Variants in PAK2 observed in about 807,000 individuals in gnomAD.
The protein encoded by PAK2 is p21 (RAC1) activated kinase 2.
In PAK2, 21 loss-of-function variants were observed where a neutral mutation model predicts 65.9. The ratio of observed to expected loss-of-function variants is 0.32; its 90% CI spans 0.23 to 0.46. The LOEUF (loss-of-function observed/expected upper bound fraction) is 0.46. Among genes scored for constraint, PAK2 ranks in the 20% least tolerant of loss-of-function variants. PAK2 has a pLI of 1.00. For synonymous variants in PAK2, 204 were observed against 219.7 expected (o/e 0.93, Z 0.63); for missense variants, 324 against 642.6 (o/e 0.50, Z 5.36).
intron 7 of PAK2, among the ~76,000 whole-genome samples, chr3:196,808,421 C>T (rs1715657895): frequency 6.6e-6 from 1 of 150,744 alleles, no homozygotes; most frequent in African/African-American, 2.4e-5. Flanking sequence ...ATCAGCTGGG[C>T]ATGGTGGCAT....
intron 1 of PAK2, among the ~76,000 whole-genome samples, chr3:196,746,678 C>T (rs1423245656): frequency 6.6e-6 from 1 of 151,864 alleles, no homozygotes; most frequent in East Asian, 1.9e-4. Flanking sequence ...GGTGTGGTGG[C>T]AGGTGCCTGT....
intron 1 of PAK2, among the ~76,000 whole-genome samples, chr3:196,746,667 A>G (rs1333525182): frequency 6.6e-6 from 1 of 151,960 alleles, no homozygotes; most frequent in Non-Finnish European, 1.5e-5. Flanking sequence ...AAAATTAGCC[A>G]GGTGTGGTGG....
In PAK2 at chr3:196,762,672, C is replaced by T. The variant is rs970129015; in HGVS notation, c.-21-19954C>T. Among the ~76,000 whole-genome samples, 83 of 149,624 alleles carry T rather than the reference C, an allele frequency of 5.5e-4. 2 individuals carry two copies. The highest frequency in any genetic ancestry group is 1.6e-3 in the African/African-American group (64 of 40,496). ...CTTCGGCTCCGCATGAGAGGGAGAC[C>T]GTGGGGAGAGGGAGAGGGAGAGGGA... On this transcript the variant is annotated intron_variant, in intron 1 of 14. Coordinates refer to ENST00000327134, the MANE Select transcript of PAK2 (RefSeq NM_002577.4).
In PAK2 at chr3:196,829,936, CT is replaced by C. The variant is rs560353239; in HGVS notation, c.*1533del. 2.2e-3 allele frequency: 340 copies of C among 152,014 alleles called. 1 individual carries two copies. Among genetic ancestry groups the C allele is most frequent in the African/African-American group, 7.6e-3 (313 of 41,426 alleles). 9.4% of individuals were successfully genotyped at this position (152,014 alleles called of 1,614,324 possible). Reference sequence around the variant, plus strand: ...TTTCTCTTCTCTTTTTTCCTCTCCTCTTCTTCTCCTTTATTCATTGTTTTGC... The same window carrying C: ...TTTCTCTTCTCTTTTTTCCTCTCCTCTCTTCTCCTTTATTCATTGTTTTGC... On this transcript the variant is annotated 3_prime_UTR_variant, in exon 15 of 15. Coordinates refer to ENST00000327134, the MANE Select transcript of PAK2 (RefSeq NM_002577.4).
At chr3:196,808,715 G>A (rs184378454) in intron 7 of PAK2, among the ~76,000 whole-genome samples, 200 of 151,778 alleles carry the variant, frequency 1.3e-3, no homozygotes, top group African/African-American at 4.4e-3. Context: ...ACAAAAATTA[G>A]CAAGGTGTCA....
intron 2 of PAK2, among the ~76,000 whole-genome samples, chr3:196,784,236 TTAA>T (rs1560103048): frequency 8.1e-6 from 1 of 124,200 alleles, no homozygotes; most frequent in African/African-American, 2.8e-5. Flanking sequence ...TTTTTTTTTT[TTAA>T]TTATACTTTA....
chr3:196,795,453 C>T (rs1715227479), intron 2 of PAK2, among the ~76,000 whole-genome samples: 1 of 151,780 alleles, frequency 6.6e-6, no homozygotes, highest in African/African-American at 2.4e-5. Flanking sequence ...GGTGTCAGAG[C>T]GAGACCCTGT....
rs764211225 is a variant in PAK2 at position 196,803,163 on chromosome 3, T to C, written c.435T>C (p.Pro145=). The C allele has an allele frequency of 1.2e-6, 2 of 1,603,496 alleles. No homozygotes were observed. Among genetic ancestry groups the C allele is most frequent in the East Asian group, 2.2e-5 (1 of 44,478 alleles). ...AGAAATATCTGAGCTTTACTCCTCC[T>C]GGTAAGAGAGTGGCATAAGGCTGGA... ...VKQKYLSFTP[P]EKDGFPSGTP... is the part of the protein sequence containing the mutation. Residue 145 remains proline (P), a splice_region_variant and synonymous_variant, in exon 4 of 15, where the codon CCT becomes CCC. Coordinates refer to ENST00000327134, the MANE Select transcript of PAK2 (RefSeq NM_002577.4).
chr3:196,810,869 T>G (rs959677301), intron 8 of PAK2, among the ~76,000 whole-genome samples: 1 of 152,098 alleles, frequency 6.6e-6, no homozygotes, highest in East Asian at 1.9e-4. Context: ...CATTATTTTT[T>G]CTTAAGTGTC....
chr3:196,746,965 G>A (rs990021009), intron 1 of PAK2, among the ~76,000 whole-genome samples: 9 of 151,930 alleles, frequency 5.9e-5, no homozygotes, highest in African/African-American at 7.3e-5. Flanking sequence ...CTATATAGGT[G>A]TGTATAATCT....
At chr3:196,793,722 G>A (rs1715152347) in intron 2 of PAK2, among the ~76,000 whole-genome samples, 1 of 152,148 alleles carries the variant, frequency 6.6e-6, no homozygotes, top group Admixed American at 6.5e-5. Context: ...CAAGAAAAGA[G>A]TTCGCAGAGA....
In PAK2 at chr3:196,791,662, C is replaced by T. The variant is rs747830785; in HGVS notation, c.187+8829C>T. Among the ~76,000 whole-genome samples the T allele has an allele frequency of 2.6e-5, 4 of 152,146 alleles. No individual in the cohort carries two copies. In the East Asian group the frequency reaches 5.8e-4, roughly 22 times the overall value. ...TTCCTGGGCCGGGCGTGGTGGCTCA[C>T]GCCTGTAATCCCAGCACTTTGGGAG... On this transcript the variant is annotated intron_variant, in intron 2 of 14. Transcript: ENST00000327134. The surrounding 1 kb of genome is among the most constrained non-coding windows in gnomAD (Gnocchi z 4.0).
intron 2 of PAK2, among the ~76,000 whole-genome samples, chr3:196,787,269 GC>G (rs1714920221): frequency 6.6e-6 from 1 of 151,998 alleles, no homozygotes; most frequent in African/African-American, 2.4e-5. Context: ...AAAACCTGTG[GC>G]TACTTTGATT....
At chr3:196,768,604 C>T (rs1381770707) in intron 1 of PAK2, among the ~76,000 whole-genome samples, 5 of 151,952 alleles carry the variant, frequency 3.3e-5, no homozygotes, top group African/African-American at 9.7e-5. Flanking sequence ...ATCTTCCTGC[C>T]TCAGCCTCCC....
chr3:196,827,668 G>C (rs1711926899), intron 14 of PAK2, among the ~76,000 whole-genome samples: 1 of 152,076 alleles, frequency 6.6e-6, no homozygotes, highest in Non-Finnish European at 1.5e-5. Context: ...TGAGTTAACA[G>C]GTGCAGCACA....
At chr3:196,805,320 A>G in intron 4 of PAK2, 32 bp from the exon 5 acceptor site, 2 of 1,258,516 alleles carry the variant, frequency 1.6e-6, no homozygotes, top group Non-Finnish European at 2.2e-6. Context: ...TGTTTCTTGA[A>G]TTGCTAATGT....
chr3:196,799,873 C>T (rs1715366032), intron 2 of PAK2, among the ~76,000 whole-genome samples: 1 of 152,264 alleles, frequency 6.6e-6, no homozygotes, highest in Non-Finnish European at 1.5e-5. Context: ...CTCAGTCTCC[C>T]AAAGTGCCAG....
chr3:196,753,204 G>A (rs1028841883), intron 1 of PAK2, among the ~76,000 whole-genome samples: 13 of 151,936 alleles, frequency 8.6e-5, no homozygotes, highest in Non-Finnish European at 1.6e-4. Flanking sequence ...TGATCCGCCC[G>A]CCTCAGCCTC....
intron 14 of PAK2, among the ~76,000 whole-genome samples, chr3:196,828,060 T>G (rs1711943753): frequency 7.6e-6 from 1 of 130,978 alleles, no homozygotes; most frequent in African/African-American, 3.0e-5. Flanking sequence ...CAGACCTGTT[T>G]ACAGTTTGTG....
Sources: allele counts gnomAD v4.1 joint callset (sites outside exome capture counted in the v4.1 genomes callset), GRCh38; gene constraint gnomAD v4.1.1; non-coding constraint Gnocchi (gnomAD v3.1); transcripts MANE v1.5; gene names NCBI Gene and HGNC (gene_info 2026-07-23, HGNC 2026-07-21).